PLA2G4F: variants seen among roughly 807,000 people sequenced by gnomAD.
The protein encoded by PLA2G4F is phospholipase A2 group IVF.
PLA2G4F carries 105 observed loss-of-function variants against 103.1 expected under a neutral mutation model. That is an observed-to-expected ratio of 1.02 (90% CI 0.87 to 1.20). The LOEUF (loss-of-function observed/expected upper bound fraction) is 1.20. PLA2G4F is among the 50% of genes most tolerant of loss of function. The pLI, the probability that PLA2G4F is intolerant of heterozygous loss-of-function variation, is 0.00. For synonymous variants in PLA2G4F, 468 were observed against 441.1 expected (o/e 1.06, Z -0.76); for missense variants, 1,155 against 1,075.9 (o/e 1.07, Z -1.03).
intron 6 of PLA2G4F, 83 bp downstream of exon 6, chr15:42,153,217 G>T: frequency 1.4e-6 from 2 of 1,452,258 alleles, no homozygotes; most frequent in Non-Finnish European, 1.9e-6. Context: ...TCCTTCAGAG[G>T]CAACTGGGCC....
intron 5 of PLA2G4F, 128 bp from the exon 6 acceptor site, chr15:42,153,470 G>A: frequency 1.4e-6 from 2 of 1,463,454 alleles, no homozygotes; most frequent in Non-Finnish European, 1.9e-6. Context: ...GGGCGAGCCT[G>A]CCGCCCAACA....
intron 7 of PLA2G4F, chr15:42,150,992 G>T: frequency 1.0e-6 from 1 of 985,444 alleles, no homozygotes; most frequent in Non-Finnish European, 1.2e-6. Flanking sequence ...ACTGGGACTC[G>T]GGAAGGGTGG....
At position 42,145,593 on chromosome 15, in the gene PLA2G4F, C is replaced by G. The variant is rs776909276; in HGVS notation, c.1762G>C (p.Gly588Arg). The G allele has an allele frequency of 6.2e-7, 1 of 1,614,160 alleles. No homozygotes were observed. Among genetic ancestry groups the G allele is most frequent in the Admixed American group, 1.7e-5 (1 of 60,026 alleles). Residue 588 changes from glycine (G) to arginine (R), a missense_variant, in exon 16 of 20, where the codon GGC becomes CGC. Physicochemically the swap from Gly to Arg is moderately radical, Grantham distance 125. Around this residue, in one of 3 missense-constraint regions of PLA2G4F, gnomAD observed 782 missense variants for 692.9 expected, o/e 1.13. Transcript: ENST00000397272. ...CCCTCACCTGTGATATTCACACTGC[C>G]TCTGTACCACTCCAGGAAGCTGAGG... The part of the protein sequence containing the change: ...SGLSFLEWYR[G>R]SVNITDDCQK...
intron 18 of PLA2G4F, among the ~76,000 whole-genome samples, chr15:42,143,221 G>C (rs954028967): frequency 2.0e-5 from 3 of 149,072 alleles, no homozygotes; most frequent in Admixed American, 6.7e-5. Flanking sequence ...CCATCCAGTG[G>C]TGTTGTGAAG....
chr15:42,146,752 A>T (rs2048889801), intron 13 of PLA2G4F: 1 of 236,368 alleles, frequency 4.2e-6, no homozygotes, highest in African/African-American at 2.3e-5. Context: ...TTGGCTGAGA[A>T]GTGGGTGTGG....
Position 42,144,453 on chromosome 15 carries a change from T to C in PLA2G4F, c.1972A>G (p.Lys658Glu). The C allele has an allele frequency of 6.2e-7, 1 of 1,611,974 alleles. No individual in the cohort carries two copies. Among genetic ancestry groups the C allele is most frequent in the Non-Finnish European group, 8.5e-7 (1 of 1,179,974 alleles). Residue 658 changes from lysine to glutamate, a missense_variant, in exon 17 of 20, where the codon AAA (lysine) becomes GAA (glutamate). Lys to Glu is a moderately conservative substitution (Grantham distance 56). Coordinates refer to ENST00000397272, the MANE Select transcript of PLA2G4F (RefSeq NM_213600.4). ...YVAGREFVAW[K>E]DTHPDAFPNQ... is the part of the protein sequence containing the mutation. Reference sequence around the variant, plus strand: ...TCCCACCCAAGGCAGCACCCACCTTTCCAGGCCACGAACTCCCTGCCAGCC... The same window carrying C: ...TCCCACCCAAGGCAGCACCCACCTTCCCAGGCCACGAACTCCCTGCCAGCC...
chr15:42,142,819 T>A, intron 18 of PLA2G4F, 105 bp from the exon 19 acceptor site: 1 of 1,192,092 alleles, frequency 8.4e-7, no homozygotes, highest in Non-Finnish European at 1.2e-6. Context: ...TGTTTCTGAC[T>A]AGCTGAGTGA....
intron 7 of PLA2G4F, chr15:42,151,087 GATGATTCTATGTTT>G: frequency 1.0e-6 from 1 of 985,394 alleles, no homozygotes. Context: ...GATGATTTGA[GATGATTCTATGTTT>G]ATCATAAGAA....
Position 42,154,362 on chromosome 15 carries a change from C to T in PLA2G4F, c.281G>A (p.Trp94Ter), listed in dbSNP as rs1254630858. 6 of 1,611,676 alleles carry T rather than the reference C, an allele frequency of 3.7e-6. No individual in the cohort carries two copies. Among genetic ancestry groups the T allele is most frequent in the Non-Finnish European group, 5.1e-6 (6 of 1,178,468 alleles). The change falls in exon 3 of 20, where the codon TGG (tryptophan) becomes TAG (stop). Residue 94 changes from tryptophan (W) to a stop codon, truncating the protein, a stop_gained. Transcript: ENST00000397272. LOFTEE classifies it high-confidence loss of function. Reference protein sequence around the residue: ...RIVANCSDPEWNETFHYQIHG... With the variant: ...RIVANCSDPE The stretch of plus-strand genomic sequence containing the variant: ...GATCTGGTAGTGGAAGGTCTCATTC[C>T]ACTCGGGGTCACTGCAGTTGGCCAC...
intron 19 of PLA2G4F, 86 bp downstream of exon 19, chr15:42,142,442 T>C (rs2048834981): frequency 6.9e-7 from 1 of 1,446,676 alleles, no homozygotes; most frequent in Admixed American, 2.2e-5. Context: ...CTTAGTGACA[T>C]TCTCCAGGGA....
intron 1 of PLA2G4F, among the ~76,000 whole-genome samples, chr15:42,155,882 G>A (rs1178390137): frequency 2.6e-5 from 4 of 152,068 alleles, no homozygotes; most frequent in Non-Finnish European, 1.5e-5. Flanking sequence ...TCAGACGCTC[G>A]CGCCCCCACT....
At position 42,154,206 on chromosome 15, in the gene PLA2G4F, G is replaced by A. The variant is rs2048988723; in HGVS notation, c.336C>T (p.Leu112=). 6.2e-7 allele frequency: 1 copy of A among 1,614,204 alleles called. No homozygotes were observed. The highest frequency in any genetic ancestry group is 8.5e-7 in the Non-Finnish European group (1 of 1,180,028). ...CCAGGATGTCCTTGTCATAGAGGGT[G>A]AGCTCCAGGACGTTCTGGGGACAAG... ...IHGAVKNVLE[L]TLYDKDILGS... Residue 112 remains leucine, a synonymous_variant, in exon 4 of 20, where the codon CTC becomes CTT. Transcript: ENST00000397272.
At chr15:42,145,498 C>T in intron 16 of PLA2G4F, 77 bp downstream of exon 16, 1 of 1,410,010 alleles carries the variant, frequency 7.1e-7, no homozygotes, top group Non-Finnish European at 1.0e-6. Context: ...TCTGTCCCCT[C>T]CCTCATTCTT....
intron 7 of PLA2G4F, among the ~76,000 whole-genome samples, chr15:42,152,160 C>A (rs998453565): frequency 6.6e-6 from 1 of 152,208 alleles, no homozygotes; most frequent in African/African-American, 2.4e-5. Context: ...GACTTCAGCT[C>A]CTCCCGCTAA....
intron 11 of PLA2G4F, chr15:42,149,509 C>T (rs1429099929): frequency 6.1e-6 from 6 of 985,386 alleles, no homozygotes; most frequent in Non-Finnish European, 7.2e-6. Context: ...GGTTTTGTTA[C>T]GGCGGCCCAC....
At chr15:42,147,560 A>C in intron 12 of PLA2G4F, 66 bp downstream of exon 12, 2 of 1,564,432 alleles carry the variant, frequency 1.3e-6, no homozygotes, top group South Asian at 2.2e-5. Context: ...CCTTAAGATC[A>C]CCAGGTCACA....
intron 18 of PLA2G4F, 81 bp downstream of exon 18, chr15:42,143,897 C>T: frequency 6.8e-7 from 1 of 1,474,356 alleles, no homozygotes; most frequent in Non-Finnish European, 9.2e-7. Flanking sequence ...CTCACCAGAG[C>T]CTTCTTTCCC....
Position 42,144,002 on chromosome 15 carries a change from G to C in PLA2G4F, c.2118C>G (p.Asp706Glu), listed in dbSNP as rs768035451. The change falls in exon 18 of 20, where the codon GAC becomes GAG. Residue 706 changes from aspartate (D) to glutamate (E), a missense_variant. Asp to Glu is a conservative substitution (Grantham distance 45). Transcript: ENST00000397272. Reference sequence around the variant, plus strand: ...CCTCAAAAGGGGCTTCCAAGGAATAGTCAAAGGACAGAATGAGGTCCACTG... The same window carrying C: ...CCTCAAAAGGGGCTTCCAAGGAATACTCAAAGGACAGAATGAGGTCCACTG... Reference protein sequence around the residue: ...QRAVDLILSFDYSLEAPFEVL... With the variant: ...QRAVDLILSFEYSLEAPFEVL... 3.7e-6 allele frequency: 6 copies of C among 1,612,928 alleles called. No homozygotes were observed. In the Admixed American group the frequency reaches 1.0e-4, roughly 27 times the overall value.
intron 11 of PLA2G4F, chr15:42,148,594 G>A (rs1234411644): frequency 3.3e-5 from 32 of 976,162 alleles, no homozygotes; most frequent in Non-Finnish European, 3.9e-5. Flanking sequence ...GGGGTGCGGT[G>A]GGGAGGAACT....
Sources: allele counts gnomAD v4.1 joint callset (sites outside exome capture counted in the v4.1 genomes callset), GRCh38; gene constraint gnomAD v4.1.1; regional missense constraint gnomAD v4.1.1; transcripts MANE v1.5; gene names NCBI Gene and HGNC (gene_info 2026-07-23, HGNC 2026-07-21).